The following SPATA33 variants were observed in gnomAD, a reference collection of about 807,000 sequenced individuals.
The protein encoded by SPATA33 is spermatogenesis-associated protein 33.
Under a neutral mutation model 8.9 loss-of-function variants are expected in SPATA33, and 10 were observed. The observed-to-expected ratio is 1.12, with a 90% CI of 0.69 to 1.90. The LOEUF (loss-of-function observed/expected upper bound fraction) is 1.90, where lower values mean the gene tolerates loss of function less well. Ranked by LOEUF, SPATA33 falls within the 40% of genes most tolerant of loss-of-function variation. The pLI is 0.00. For synonymous variants in SPATA33, 96 were observed against 72.8 expected (o/e 1.32, Z -1.63); for missense variants, 241 against 178.3 (o/e 1.35, Z -2.00).
Position 89,669,488 on chromosome 16 carries a change from C to A in SPATA33, c.414C>A (p.Leu138=). 1 of 1,612,618 alleles carries A rather than the reference C, an allele frequency of 6.2e-7. No homozygotes were observed. Among genetic ancestry groups the A allele is most frequent in the South Asian group, 1.1e-5 (1 of 90,972 alleles). The change falls in exon 3 of 3, where the codon CTC becomes CTA. Residue 138 remains leucine, a synonymous_variant. Transcript: ENST00000579310. The part of the protein sequence containing the change: ...PSTADAYNSH[L]KE ...CAGCAGACGCCTATAATTCACATCT[C>A]AAAGAATAAACAAGCACCTTTGCAT...
At position 89,662,870 on chromosome 16, in the gene SPATA33, T is replaced by G. The variant is rs529917894; in HGVS notation, c.211+4449T>G. ...GTGCAGTGGCACAATCTTGGCTCAT[T>G]GTGACTTCCGCCTCCCGGGTTCAAG... On this transcript the variant is annotated intron_variant, in intron 2 of 2. Transcript: ENST00000579310. 2.0e-5 allele frequency among the ~76,000 whole-genome samples: 3 copies of G among 152,310 alleles called. No individual in the cohort carries two copies. In the South Asian group the frequency reaches 6.2e-4, roughly 32 times the overall value.
At chr16:89,663,483 G>A (rs2059989049) in intron 2 of SPATA33, among the ~76,000 whole-genome samples, 1 of 152,142 alleles carries the variant, frequency 6.6e-6, no homozygotes, top group Admixed American at 6.5e-5. Flanking sequence ...GATCTCAGGT[G>A]ATCCGCTTGC....
Position 89,669,328 on chromosome 16 carries a change from T to G in SPATA33, c.254T>G (p.Val85Gly). 1.2e-6 allele frequency: 2 copies of G among 1,614,204 alleles called. No homozygotes were observed. The highest frequency in any genetic ancestry group is 1.7e-6 in the Non-Finnish European group (2 of 1,180,048). The change falls in exon 3 of 3, where the codon GTC becomes GGC. Residue 85 changes from valine to glycine, a missense_variant. By Grantham distance (109) the Val-to-Gly change is moderately radical (BLOSUM62 -3). Transcript: ENST00000579310. ...VKQKSSRKKV[V>G]VPQIIITRAS... is the part of the protein sequence containing the mutation. Reference sequence around the variant, plus strand: ...CAAAAGTCCAGCAGGAAGAAAGTGGTCGTTCCACAGATCATCATCACGCGA... The same window carrying G: ...CAAAAGTCCAGCAGGAAGAAAGTGGGCGTTCCACAGATCATCATCACGCGA...
At chr16:89,660,720 G>A in intron 2 of SPATA33, 1 of 743,730 alleles carries the variant, frequency 1.3e-6, no homozygotes, top group Non-Finnish European at 1.8e-6. Context: ...AGTGGTTGCT[G>A]GGCAGAAATG....
chr16:89,658,030 G>T (rs1394189724), intron 1 of SPATA33, 82 bp downstream of exon 1: 2 of 1,467,222 alleles, frequency 1.4e-6, no homozygotes, highest in East Asian at 2.6e-5. Flanking sequence ...GGGCGGGGCG[G>T]TGTGAGCGCA....
rs950536070 is a variant in SPATA33 at position 89,658,228 on chromosome 16, G to T, written c.38-20G>T. ...GCATTCGGTAAGTCCCGGGTCTAACGGATGATCCATATATTTCAGGTGAGG... is the reference window on the plus strand; with the variant it reads ...GCATTCGGTAAGTCCCGGGTCTAACTGATGATCCATATATTTCAGGTGAGG... On this transcript the variant is annotated intron_variant, in intron 1 of 2. Transcript: ENST00000579310. 2 of 1,613,712 alleles carry T rather than the reference G, an allele frequency of 1.2e-6. No homozygotes were observed. Among genetic ancestry groups the T allele is most frequent in the African/African-American group, 1.3e-5 (1 of 75,074 alleles).
chr16:89,658,402 G>C lies in SPATA33; in HGVS notation c.192G>C (p.Pro64=). 1.9e-6 allele frequency: 3 copies of C among 1,610,432 alleles called. No homozygotes were observed. The highest frequency in any genetic ancestry group is 2.5e-6 in the Non-Finnish European group (3 of 1,178,944). The stretch of plus-strand genomic sequence containing the variant: ...GGGCCGGGACAGCCAAGCACCCGCC[G>C]CCGGCAGCTTCGCTGGAAGGTAGGA... ...HPGAGTAKHP[P]PAASLEEKPD... The change falls in exon 2 of 3, where the codon CCG becomes CCC. Residue 64 remains proline (P), a synonymous_variant. Transcript: ENST00000579310.
intron 2 of SPATA33, 51 bp from the exon 3 acceptor site, chr16:89,669,235 G>C: frequency 6.5e-7 from 1 of 1,550,304 alleles, no homozygotes; most frequent in Non-Finnish European, 8.9e-7. Context: ...TGTGCATCGT[G>C]GAAGGAGCTT....
intron 1 of SPATA33, 128 bp downstream of exon 1, chr16:89,658,076 C>T (rs770885525): frequency 6.8e-7 from 1 of 1,471,556 alleles, no homozygotes; most frequent in East Asian, 2.4e-5. Context: ...CCGTTCCTGC[C>T]GCCGAGTCCG....
intron 2 of SPATA33, among the ~76,000 whole-genome samples, chr16:89,668,244 G>A (rs1432826606): frequency 6.6e-6 from 1 of 151,562 alleles, no homozygotes; most frequent in Non-Finnish European, 1.5e-5. Flanking sequence ...CTCAGGAGGT[G>A]GAGGTTGCAG....
chr16:89,661,030 C>T (rs758221103), intron 2 of SPATA33: 49 of 989,354 alleles, frequency 5.0e-5, no homozygotes, highest in Non-Finnish European at 5.8e-5. Flanking sequence ...GACAACCACA[C>T]GTGATACCTG....
intron 2 of SPATA33, among the ~76,000 whole-genome samples, chr16:89,667,834 T>C (rs1208855132): frequency 6.6e-6 from 1 of 152,192 alleles, no homozygotes; most frequent in Admixed American, 6.5e-5. Flanking sequence ...GCCTCCCCCA[T>C]CTGGTTAGCC....
At position 89,669,311 on chromosome 16, in the gene SPATA33, C is replaced by G; in HGVS notation, c.237C>G (p.Ser79=). ...LEEKPDVKQK[S]SRKKVVVPQI... ...AGAAACCTGATGTAAAGCAAAAGTC[C>G]AGCAGGAAGAAAGTGGTCGTTCCAC... Residue 79 remains serine (S), a synonymous_variant, in exon 3 of 3, where the codon TCC becomes TCG. Transcript: ENST00000579310. 1 of 1,614,128 alleles carries G rather than the reference C, an allele frequency of 6.2e-7. No homozygotes were observed. The highest frequency in any genetic ancestry group is 8.5e-7 in the Non-Finnish European group (1 of 1,180,038).
rs369973281 is a variant in SPATA33, at chr16:89,669,329, C to T, written c.255C>T (p.Val85=). The T allele has an allele frequency of 7.4e-6, 12 of 1,614,132 alleles. No individual in the cohort carries two copies. The East Asian group carries it at 2.0e-4, about 27-fold the overall frequency. ...VKQKSSRKKV[V]VPQIIITRAS... is the part of the protein sequence containing the mutation. ...AAAAGTCCAGCAGGAAGAAAGTGGTCGTTCCACAGATCATCATCACGCGAG... is the reference window on the plus strand; with the variant it reads ...AAAAGTCCAGCAGGAAGAAAGTGGTTGTTCCACAGATCATCATCACGCGAG... Residue 85 remains valine (V), a synonymous_variant, in exon 3 of 3, where the codon GTC becomes GTT. Transcript: ENST00000579310.
rs532058078 is a variant in SPATA33, at chr16:89,666,638, C to T, written c.212-2648C>T. 7.0e-4 allele frequency among the ~76,000 whole-genome samples: 107 copies of T among 152,228 alleles called. 1 individual carries two copies. The highest frequency in any genetic ancestry group is 1.7e-3 in the South Asian group (8 of 4,814). Reference sequence around the variant, plus strand: ...CAAAGAGATAAAAGACAGCTGGGCCCGGGGGACCACTACCACCAAGCCGTG... The same window carrying T: ...CAAAGAGATAAAAGACAGCTGGGCCTGGGGGACCACTACCACCAAGCCGTG... On this transcript the variant is annotated intron_variant, in intron 2 of 2. Transcript: ENST00000579310.
intron 2 of SPATA33, chr16:89,660,746 T>G (rs972642487): frequency 2.5e-6 from 2 of 801,310 alleles, no homozygotes; most frequent in African/African-American, 3.6e-5. Flanking sequence ...CGGCCACAGC[T>G]GAGCACAAGA....
At chr16:89,667,978 T>C (rs1278045797) in intron 2 of SPATA33, 1 of 152,232 alleles carries the variant, frequency 6.6e-6, no homozygotes, top group Non-Finnish European at 1.5e-5. Context: ...TGTGTGTCAT[T>C]ATTCACTGTT....
intron 2 of SPATA33, chr16:89,659,026 G>A (rs1333663376): frequency 6.5e-6 from 1 of 153,032 alleles, no homozygotes; most frequent in African/African-American, 2.4e-5. Context: ...GGTGCTGCCT[G>A]GGGCGGTAGT....
chr16:89,666,198 G>A (rs1405215017), intron 2 of SPATA33, among the ~76,000 whole-genome samples: 1 of 152,192 alleles, frequency 6.6e-6, no homozygotes, highest in Non-Finnish European at 1.5e-5. Context: ...GCCAGATATG[G>A]TGATGTGGGA....
Sources: gnomAD v4.1 joint callset for allele counts (sites outside exome capture counted in the v4.1 genomes callset) on GRCh38, gnomAD v4.1.1 for gene constraint, MANE v1.5 for transcripts, NCBI Gene and HGNC (gene_info 2026-07-23, HGNC 2026-07-21) for gene names.